Variants in ZNF276 observed in about 807,000 individuals in gnomAD.
ZNF276 encodes the protein zinc finger protein 276.
ZNF276 carries 59 observed loss-of-function variants against 63.9 expected under a neutral mutation model. The ratio of observed to expected loss-of-function variants is 0.92; its 90% CI spans 0.75 to 1.15. The LOEUF is 1.15. Among genes scored for constraint, ZNF276 ranks in the 50% most tolerant of loss-of-function variants. The pLI is 0.00. For missense variants in ZNF276, 1,084 were observed against 843.8 expected (o/e 1.28, Z -3.53); for synonymous variants, 496 against 348.4 (o/e 1.42, Z -4.72).
chr16:89,721,297 C>G, upstream of ZNF276: 1 of 253,830 alleles, frequency 3.9e-6, no homozygotes, highest in African/African-American at 2.2e-5. Context: ...GTGAGGGCCG[C>G]GTCGCCTCTC....
chr16:89,724,026 A>G (rs2061392826), intron 4 of ZNF276, among the ~76,000 whole-genome samples: 1 of 152,192 alleles, frequency 6.6e-6, no homozygotes, highest in South Asian at 2.1e-4. Flanking sequence ...AAGAGGGAAG[A>G]ATAGGGCCTT....
intron 9 of ZNF276, among the ~76,000 whole-genome samples, chr16:89,735,124 C>G (rs1014579085): frequency 6.6e-6 from 1 of 151,862 alleles, no homozygotes; most frequent in African/African-American, 2.4e-5. Flanking sequence ...CAGTGAGACA[C>G]TGTCTCAAAA....
At chr16:89,720,778 G>A (rs1423269144), upstream of ZNF276, 19 of 1,455,292 alleles carry the variant, frequency 1.3e-5, no homozygotes, top group Non-Finnish European at 1.7e-5. Context: ...GCCGGTTGCC[G>A]GTGTCCAGCT....
At chr16:89,735,512 TG>T (rs5818726) in intron 9 of ZNF276, among the ~76,000 whole-genome samples, 69,949 of 151,968 alleles carry the variant, frequency 0.46, 18,668 homozygotes, top group East Asian at 0.75. Flanking sequence ...AGCACTTCCT[TG>T]GGTTTGGTCC....
chr16:89,735,440 T>G (rs1219848430), intron 9 of ZNF276, among the ~76,000 whole-genome samples: 1 of 152,202 alleles, frequency 6.6e-6, no homozygotes, highest in Non-Finnish European at 1.5e-5. Context: ...TTTTCACTGC[T>G]GGGTCATCTC....
upstream of ZNF276, chr16:89,721,529 C>T (rs1053813242): frequency 6.3e-6 from 7 of 1,116,152 alleles, no homozygotes; most frequent in African/African-American, 6.6e-5. Context: ...TCGCTCCGCC[C>T]CTCCCCCGCC....
rs1180518346 is a variant in ZNF276 at position 89,721,624 on chromosome 16, T to C, written c.-17T>C. On this transcript the variant is annotated 5_prime_UTR_variant, in exon 1 of 11. Coordinates refer to ENST00000443381, the MANE Select transcript of ZNF276 (RefSeq NM_001113525.2). ...CCGGGCAGCACCCGCGGGATTCTGCTGGCGTCCTCCGCTGCCATGAAGCGG... is the reference window on the plus strand; with the variant it reads ...CCGGGCAGCACCCGCGGGATTCTGCCGGCGTCCTCCGCTGCCATGAAGCGG... 1 of 1,474,548 alleles carries C rather than the reference T, an allele frequency of 6.8e-7. No homozygotes were observed. Among genetic ancestry groups the C allele is most frequent in the Non-Finnish European group, 8.9e-7 (1 of 1,118,456 alleles). The allele number at this position is 1,474,548 out of a possible 1,614,324, so 91.3% of individuals were successfully genotyped here. A position where few individuals can be genotyped will look rare whatever the true frequency, so the allele number is the denominator to read the frequency against.
intron 7 of ZNF276, 30 bp from the exon 8 acceptor site, chr16:89,733,452 C>T: frequency 6.2e-7 from 1 of 1,614,108 alleles, no homozygotes; most frequent in Non-Finnish European, 8.5e-7. Flanking sequence ...CCTGTCGGGG[C>T]CGGGGCTCCA....
chr16:89,723,050 G>T, intron 2 of ZNF276, 87 bp from the exon 3 acceptor site: 1 of 1,610,504 alleles, frequency 6.2e-7, no homozygotes. Flanking sequence ...GACCGCTGAG[G>T]TTTGAGATCT....
intron 2 of ZNF276, 34 bp from the exon 3 acceptor site, chr16:89,723,103 T>C: frequency 6.2e-7 from 1 of 1,613,040 alleles, no homozygotes; most frequent in South Asian, 1.1e-5. Flanking sequence ...CTCCGCCTGC[T>C]TGTCCTGCTC....
In ZNF276 at chr16:89,732,884, G is replaced by A. The variant is rs576538406; in HGVS notation, c.1170-418G>A. ...GCTCGCCCTGACCCTGCTGTACCCC[G>A]CTGTACCCTGCGCCCTCGCCCTCTG... On this transcript the variant is annotated intron_variant, in intron 6 of 10. Coordinates refer to ENST00000443381, the MANE Select transcript of ZNF276 (RefSeq NM_001113525.2). 1.5e-4 allele frequency: 29 copies of A among 188,474 alleles called. 3 individuals are homozygous for A. Among genetic ancestry groups the A allele is most frequent in the Non-Finnish European group, 1.9e-4 (17 of 90,958 alleles). The allele number at this position is 188,474 out of a possible 1,614,324, so 11.7% of individuals were successfully genotyped here. A position where few individuals can be genotyped will look rare whatever the true frequency, so the allele number is the denominator to read the frequency against.
In ZNF276 at chr16:89,740,164, C is replaced by G. The variant is rs898234601; in HGVS notation, c.*1918C>G. ...TGGTGCTCCCATGGGTAGGAGGGTA[C>G]AGCCCTCAGCACAGAAGAGGGCATT... is the stretch of plus-strand genomic sequence containing the variant. On this transcript the variant is annotated 3_prime_UTR_variant, in exon 11 of 11. Coordinates refer to ENST00000443381, the MANE Select transcript of ZNF276 (RefSeq NM_001113525.2). The G allele has an allele frequency of 8.0e-7, 1 of 1,242,572 alleles. No individual in the cohort carries two copies. The highest frequency in any genetic ancestry group is 1.5e-5 in the African/African-American group (1 of 67,628). The allele number at this position is 1,242,572 out of a possible 1,614,324, so 77.0% of individuals were successfully genotyped here.
At position 89,739,123 on chromosome 16, in the gene ZNF276, T is replaced by C; in HGVS notation, c.*877T>C. The C allele has an allele frequency of 6.2e-7, 1 of 1,614,124 alleles. No individual in the cohort carries two copies. Among genetic ancestry groups the C allele is most frequent in the East Asian group, 2.2e-5 (1 of 44,886 alleles). On this transcript the variant is annotated 3_prime_UTR_variant, in exon 11 of 11. Transcript: ENST00000443381. ...GCTCCCCTGGAGGTGGGACTGGCCC[T>C]TGCACCTGCCTGACCCTTGAGCTCC...
intron 4 of ZNF276, 54 bp downstream of exon 4, chr16:89,723,763 C>T (rs1396787899): frequency 6.6e-7 from 1 of 1,515,496 alleles, no homozygotes; most frequent in Non-Finnish European, 8.9e-7. Flanking sequence ...CTCAGTGGGG[C>T]AGGGTTTTCA....
chr16:89,727,204 G>A (rs1953125983), intron 4 of ZNF276, 75 bp from the exon 5 acceptor site: 3 of 1,450,946 alleles, frequency 2.1e-6, no homozygotes, highest in South Asian at 1.1e-5. Context: ...ATCAATAGTA[G>A]AATCATGCCT....
rs746808852 is a variant in ZNF276, at chr16:89,733,914, C to G, written c.1357-7C>G. The G allele has an allele frequency of 5.6e-6, 9 of 1,613,270 alleles. No homozygotes were observed. In the South Asian group the frequency reaches 9.9e-5, roughly 18 times the overall value. On this transcript the variant is annotated splice_polypyrimidine_tract_variant and splice_region_variant and intron_variant, in intron 8 of 10. Coordinates refer to ENST00000443381, the MANE Select transcript of ZNF276 (RefSeq NM_001113525.2). ...TCTGAGGGTCTCTCACCGAGTCTCT[C>G]CTTCAGAAGCACATCAAGGAGCACC...
Position 89,733,921 on chromosome 16 carries a change from A to AAGCACATCAAGGAGCACCACGAGG in ZNF276, c.1360_1383dup (p.His454_Glu461dup). ...GTCTCTCACCGAGTCTCTCCTTCAG[A>AAGCACATCAAGGAGCACCACGAGG]AGCACATCAAGGAGCACCACGAGGA... On this transcript the variant is annotated inframe_insertion and splice_region_variant, in exon 9 of 11. Coordinates refer to ENST00000443381, the MANE Select transcript of ZNF276 (RefSeq NM_001113525.2). 1 of 1,613,426 alleles carries AAGCACATCAAGGAGCACCACGAGG rather than the reference A, an allele frequency of 6.2e-7. No individual in the cohort carries two copies.
intron 6 of ZNF276, chr16:89,731,622 T>C (rs1442875285): frequency 1.3e-5 from 2 of 152,298 alleles, no homozygotes; most frequent in South Asian, 4.1e-4. Flanking sequence ...TGGGGTGCCC[T>C]GGCACGATCA....
chr16:89,738,052 G>A lies in ZNF276; in HGVS notation c.1651G>A (p.Glu551Lys). ...YHMTKHKAET[E>K]LDFACDQCGR... ...CATGACCAAACACAAGGCTGAGACT[G>A]AGCTGGACTTTGCCTGTGACCAGTG... The change falls in exon 11 of 11, where the codon GAG (glutamate) becomes AAG (lysine). Residue 551 changes from glutamate to lysine, a missense_variant. By Grantham distance (56) the Glu-to-Lys change is moderately conservative. Transcript: ENST00000443381. 1.9e-6 allele frequency: 3 copies of A among 1,614,134 alleles called. No homozygotes were observed. The highest frequency in any genetic ancestry group is 2.2e-5 in the East Asian group (1 of 44,880).
Sources: gnomAD v4.1 joint callset for allele counts (sites outside exome capture counted in the v4.1 genomes callset) on GRCh38, gnomAD v4.1.1 for gene constraint, MANE v1.5 for transcripts, NCBI Gene and HGNC (gene_info 2026-07-23, HGNC 2026-07-21) for gene names.